MCTP1: variants seen among roughly 807,000 people sequenced by gnomAD.
MCTP1 encodes multiple C2 and transmembrane domain-containing protein 1.
Under a neutral mutation model 120.6 loss-of-function variants are expected in MCTP1, and 69 were observed. The ratio of observed to expected loss-of-function variants is 0.57; its 90% CI spans 0.47 to 0.70. The LOEUF (loss-of-function observed/expected upper bound fraction) is 0.70. Among genes scored for constraint, MCTP1 ranks in the 30% least tolerant of loss-of-function variants. The pLI is 0.00. For synonymous variants in MCTP1, 529 were observed against 493.1 expected (o/e 1.07, Z -0.96); for missense variants, 1,203 against 1,248.8 (o/e 0.96, Z 0.55).
intron 1 of MCTP1, among the ~76,000 whole-genome samples, chr5:95,061,408 G>GTT (rs556663513): frequency 2.1e-4 from 7 of 33,490 alleles, no homozygotes; most frequent in African/African-American, 5.9e-4. Context: ...CCCCTTAAGG[G>GTT]TTTTTTTTTT....
intron 12 of MCTP1, among the ~76,000 whole-genome samples, chr5:94,878,099 A>AAAT (rs1208656941): frequency 2.0e-5 from 3 of 152,146 alleles, no homozygotes; most frequent in Non-Finnish European, 4.4e-5. Flanking sequence ...CCACAGTTTG[A>AAAT]AATAACTATA....
chr5:95,093,341 C>T (rs1340401390), intron 1 of MCTP1, among the ~76,000 whole-genome samples: 1 of 152,180 alleles, frequency 6.6e-6, no homozygotes, highest in African/African-American at 2.4e-5. Flanking sequence ...TTCATGACTG[C>T]TAAGGGCCAG....
At chr5:95,233,572 G>A (rs566016902) in intron 1 of MCTP1, among the ~76,000 whole-genome samples, 6 of 152,078 alleles carry the variant, frequency 3.9e-5, no homozygotes, top group South Asian at 2.1e-4. Flanking sequence ...CTCGTGATCC[G>A]CCCGCCTCGG....
chr5:95,266,651 A>C (rs1324221398), intron 1 of MCTP1, among the ~76,000 whole-genome samples: 1 of 152,218 alleles, frequency 6.6e-6, no homozygotes. Flanking sequence ...TTCTGTCATG[A>C]AAATTTTTAC....
At chr5:95,136,932 A>G (rs951257772) in intron 1 of MCTP1, among the ~76,000 whole-genome samples, 5 of 152,228 alleles carry the variant, frequency 3.3e-5, no homozygotes, top group Non-Finnish European at 7.3e-5. Context: ...CAAGACTACA[A>G]TGGAGAAAAA....
intron 17 of MCTP1, among the ~76,000 whole-genome samples, chr5:94,865,473 G>A (rs567855172): frequency 2.0e-5 from 3 of 151,908 alleles, no homozygotes; most frequent in African/African-American, 7.2e-5. Flanking sequence ...AGTGGGCCAA[G>A]TAGAACCGAT....
Position 94,710,885 on chromosome 5 carries a change from A to G in MCTP1, c.2763T>C (p.Ile921=). 6.2e-7 allele frequency: 1 copy of G among 1,613,042 alleles called. No individual in the cohort carries two copies. Among genetic ancestry groups the G allele is most frequent in the East Asian group, 2.2e-5 (1 of 44,840 alleles). ...WTVPFLSWLA[I]VALCVFTAIL... ...TGGCTGTGAACACACAGAGGGCTAC[A>G]ATGGCCAGCCAGCTTAAGAATGGGA... Residue 921 remains isoleucine, a synonymous_variant, in exon 21 of 23, where the codon ATT becomes ATC. Coordinates refer to ENST00000515393, the MANE Select transcript of MCTP1 (RefSeq NM_024717.7).
chr5:95,142,011 A>G lies in MCTP1; in HGVS notation c.721-124527T>C, dbSNP rs7705342. ...TTAAAAATGTTTTTCAAGAAGAGCT[A>G]CTACAAATGAAAGGAGATAAAACTT... is the stretch of plus-strand genomic sequence containing the variant. On this transcript the variant is annotated intron_variant, in intron 1 of 22. Coordinates refer to ENST00000515393, the MANE Select transcript of MCTP1 (RefSeq NM_024717.7). Among the ~76,000 whole-genome samples, 728 of 152,334 alleles carry G rather than the reference A, an allele frequency of 4.8e-3. 10 individuals carry two copies. Among genetic ancestry groups the G allele is most frequent in the African/African-American group, 0.016 (651 of 41,582 alleles).
chr5:94,827,497 T>G (rs531873427), intron 17 of MCTP1, among the ~76,000 whole-genome samples: 1 of 152,178 alleles, frequency 6.6e-6, no homozygotes, highest in Non-Finnish European at 1.5e-5. Context: ...TTGTATTTCC[T>G]GAATTTGAAT....
chr5:94,991,691 T>C (rs992889772), intron 2 of MCTP1, among the ~76,000 whole-genome samples: 4 of 148,426 alleles, frequency 2.7e-5, no homozygotes, highest in African/African-American at 1.0e-4. Context: ...CTGGCCATCA[T>C]GGTGAAACCT....
At chr5:95,214,278 TG>T in intron 1 of MCTP1, among the ~76,000 whole-genome samples, 1 of 152,192 alleles carries the variant, frequency 6.6e-6, no homozygotes, top group Non-Finnish European at 1.5e-5. Context: ...TCATCATCTC[TG>T]GCCATCAGAG....
intron 2 of MCTP1, among the ~76,000 whole-genome samples, chr5:94,995,371 A>T (rs562128410): frequency 6.6e-6 from 1 of 152,228 alleles, no homozygotes; most frequent in African/African-American, 2.4e-5. Flanking sequence ...TATATCTACA[A>T]CTACCCCTTT....
intron 6 of MCTP1, 82 bp downstream of exon 6, chr5:94,931,871 T>G: frequency 8.7e-6 from 9 of 1,036,168 alleles, no homozygotes; most frequent in Non-Finnish European, 1.3e-5. Flanking sequence ...TAGCATACTT[T>G]GAAGAGATGA....
At chr5:94,751,828 G>T (rs28488671) in intron 19 of MCTP1, among the ~76,000 whole-genome samples, 1,611 of 151,888 alleles carry the variant, frequency 0.011, 32 homozygotes, top group African/African-American at 0.037. Context: ...AATAAGCCAC[G>T]ATTCTCGATC....
At chr5:95,166,652 CT>C (rs536212704) in intron 1 of MCTP1, among the ~76,000 whole-genome samples, 237 of 149,150 alleles carry the variant, frequency 1.6e-3, no homozygotes, top group African/African-American at 5.7e-3. Flanking sequence ...ACTGCAAGCT[CT>C]GCCTCCCGGG....
intron 1 of MCTP1, among the ~76,000 whole-genome samples, chr5:95,023,707 G>C (rs1449608981): frequency 6.6e-6 from 1 of 152,188 alleles, no homozygotes; most frequent in African/African-American, 2.4e-5. Context: ...AGAAATAAAT[G>C]TGTATTTCTT....
At chr5:94,929,200 G>C (rs936685730) in intron 6 of MCTP1, among the ~76,000 whole-genome samples, 5 of 152,074 alleles carry the variant, frequency 3.3e-5, no homozygotes, top group Non-Finnish European at 7.4e-5. Context: ...AAGAAACCAA[G>C]TAAAGGAAGA....
chr5:95,172,382 C>A (rs1014487857), intron 1 of MCTP1, among the ~76,000 whole-genome samples: 1 of 152,156 alleles, frequency 6.6e-6, no homozygotes, highest in South Asian at 2.1e-4. Flanking sequence ...GCAGTCTGTC[C>A]GTTCTCAGAT....
In MCTP1 at chr5:95,121,746, G is replaced by A. The variant is rs114771981; in HGVS notation, c.721-104262C>T. Among the ~76,000 whole-genome samples the A allele has an allele frequency of 4.6e-3, 692 of 151,976 alleles. 3 individuals are homozygous for A. The highest frequency in any genetic ancestry group is 0.015 in the African/African-American group (640 of 41,510). On this transcript the variant is annotated intron_variant, in intron 1 of 22. Transcript: ENST00000515393. ...GAAGAATCGTATTACCTGACTTTAT[G>A]TTACAGAACTACAGTAACATGGTAC...
Sources: allele counts gnomAD v4.1 joint callset (sites outside exome capture counted in the v4.1 genomes callset), GRCh38; gene constraint gnomAD v4.1.1; transcripts MANE v1.5; gene names NCBI Gene and HGNC (gene_info 2026-07-23, HGNC 2026-07-21).